CDH13: variants seen among roughly 807,000 people sequenced by gnomAD.
CDH13 encodes the protein cadherin 13.
Under a neutral mutation model 63.8 loss-of-function variants are expected in CDH13, and 24 were observed. The ratio of observed to expected loss-of-function variants is 0.38; its 90% CI spans 0.27 to 0.53. The LOEUF (loss-of-function observed/expected upper bound fraction) is 0.53, where lower values mean the gene tolerates loss of function less well. Ranked by LOEUF, CDH13 falls within the 20% of genes least tolerant of loss-of-function variation. CDH13 has a pLI of 0.85. For missense variants in CDH13, 1,049 were observed against 903.1 expected (o/e 1.16, Z -2.07); for synonymous variants, 503 against 355.3 (o/e 1.42, Z -4.67).
At chr16:83,261,850 G>A (rs1020751025) in intron 5 of CDH13, among the ~76,000 whole-genome samples, 3 of 152,062 alleles carry the variant, frequency 2.0e-5, no homozygotes, top group Non-Finnish European at 4.4e-5. Flanking sequence ...TCTTGTGCCT[G>A]CCTGCCAAGG....
intron 5 of CDH13, among the ~76,000 whole-genome samples, chr16:83,323,811 T>C (rs1348953802): frequency 6.6e-6 from 1 of 152,176 alleles, no homozygotes; most frequent in East Asian, 1.9e-4. Context: ...CTTGTTCCTC[T>C]TTAGTACATT....
At chr16:82,791,201 C>T (rs1041919881) in intron 1 of CDH13, among the ~76,000 whole-genome samples, 1 of 145,960 alleles carries the variant, frequency 6.9e-6, no homozygotes, top group African/African-American at 2.6e-5. Context: ...CACGCCACTG[C>T]ACTCCAGCCT....
chr16:82,951,357 A>G (rs1176494397), intron 2 of CDH13, among the ~76,000 whole-genome samples: 2 of 152,136 alleles, frequency 1.3e-5, no homozygotes, highest in Non-Finnish European at 2.9e-5. Flanking sequence ...TGCTTCCTAT[A>G]AGGTGTTCTG....
At chr16:83,257,286 G>A (rs947284812) in intron 5 of CDH13, among the ~76,000 whole-genome samples, 5 of 152,110 alleles carry the variant, frequency 3.3e-5, no homozygotes, top group Non-Finnish European at 4.4e-5. Context: ...CAAAGAAGCC[G>A]AGACAGCTGC....
At chr16:83,588,202 T>C (rs1166916852) in intron 7 of CDH13, among the ~76,000 whole-genome samples, 5 of 152,114 alleles carry the variant, frequency 3.3e-5, no homozygotes, top group Admixed American at 1.3e-4. Flanking sequence ...CCCTGCACAC[T>C]CTTGGACAGC....
intron 6 of CDH13, among the ~76,000 whole-genome samples, chr16:83,450,542 C>T (rs983934217): frequency 3.3e-5 from 5 of 151,868 alleles, no homozygotes; most frequent in Non-Finnish European, 5.9e-5. Context: ...TTAAATCGAA[C>T]GGAAAAAAAT....
chr16:83,623,414 T>C (rs1909993465), intron 8 of CDH13, among the ~76,000 whole-genome samples: 1 of 152,220 alleles, frequency 6.6e-6, no homozygotes, highest in African/African-American at 2.4e-5. Context: ...GCAATCGGTT[T>C]CTGCGTCTTC....
intron 1 of CDH13, among the ~76,000 whole-genome samples, chr16:82,796,256 C>T (rs1246770886): frequency 6.6e-6 from 1 of 152,104 alleles, no homozygotes; most frequent in Admixed American, 6.5e-5. Flanking sequence ...CTCTACTGAC[C>T]CCTATGGATG....
intron 6 of CDH13, among the ~76,000 whole-genome samples, chr16:83,446,116 A>C (rs891642358): frequency 6.6e-5 from 10 of 152,074 alleles, no homozygotes; most frequent in African/African-American, 2.4e-4. Flanking sequence ...CAGCATGGCC[A>C]ACGTGGTGAA....
chr16:82,677,157 T>C (rs1726839083), intron 1 of CDH13, among the ~76,000 whole-genome samples: 1 of 152,218 alleles, frequency 6.6e-6, no homozygotes, highest in Non-Finnish European at 1.5e-5. Context: ...GGTGGAATTA[T>C]AGGAGTGAGC....
intron 7 of CDH13, among the ~76,000 whole-genome samples, chr16:83,503,406 A>G (rs2074328460): frequency 6.6e-6 from 1 of 152,190 alleles, no homozygotes; most frequent in African/African-American, 2.4e-5. Context: ...CGCCACATCT[A>G]CCTGGGTGGA....
chr16:82,947,855 A>G (rs184546603), intron 2 of CDH13, among the ~76,000 whole-genome samples: 10 of 152,298 alleles, frequency 6.6e-5, no homozygotes, highest in African/African-American at 2.4e-4. Context: ...GGAAACCCTG[A>G]CAAGAATGAG....
At chr16:83,172,990 C>T (rs960719200) in intron 4 of CDH13, among the ~76,000 whole-genome samples, 1 of 152,028 alleles carries the variant, frequency 6.6e-6, no homozygotes, top group Non-Finnish European at 1.5e-5. Context: ...TTAACGTGTC[C>T]GAAATTGCAT....
chr16:83,579,909 A>G (rs1407044429), intron 7 of CDH13, among the ~76,000 whole-genome samples: 1 of 152,160 alleles, frequency 6.6e-6, no homozygotes, highest in African/African-American at 2.4e-5. Context: ...TTGAGCTGAC[A>G]CTTAAACTAT....
intron 1 of CDH13, among the ~76,000 whole-genome samples, chr16:82,680,879 G>A (rs1159271424): frequency 6.6e-6 from 1 of 152,168 alleles, no homozygotes; most frequent in East Asian, 1.9e-4. Flanking sequence ...TAAAGCGAGG[G>A]AGCTGGAGAG....
chr16:83,005,230 T>G (rs1913363179), intron 2 of CDH13, among the ~76,000 whole-genome samples: 1 of 152,206 alleles, frequency 6.6e-6, no homozygotes, highest in Non-Finnish European at 1.5e-5. Flanking sequence ...AGCTGGACAT[T>G]GCTGGATTTT....
At chr16:82,925,022 G>A (rs2042261752) in intron 2 of CDH13, among the ~76,000 whole-genome samples, 1 of 152,134 alleles carries the variant, frequency 6.6e-6, no homozygotes, top group South Asian at 2.1e-4. Flanking sequence ...TGAAGTGGGT[G>A]GATTTTCCAG....
rs574690383 is a variant in CDH13, at chr16:83,183,679, A to T, written c.484-33666A>T. Among the ~76,000 whole-genome samples, 5 of 152,258 alleles carry T rather than the reference A, an allele frequency of 3.3e-5. No individual in the cohort carries two copies. The East Asian group carries it at 7.7e-4, about 24-fold the overall frequency. On this transcript the variant is annotated intron_variant, in intron 4 of 13. Coordinates refer to ENST00000567109, the MANE Select transcript of CDH13 (RefSeq NM_001257.5). ...GCTCTGGATCCAGTGTCCCTCCCTG[A>T]TGGGACGGCACCTGCCATTGCTACT...
rs11349889 is a variant in CDH13 at position 83,799,299 on chromosome 16, CAAAAAAAA to C, written c.*4283_*4290del. 0.26 allele frequency: 29,247 copies of C among 110,392 alleles called. 3,237 individuals carry two copies. Among genetic ancestry groups the C allele is most frequent in the African/African-American group, 0.31 (9,666 of 30,834 alleles). 6.8% of individuals were successfully genotyped at this position (110,392 alleles called of 1,614,324 possible). On this transcript the variant is annotated 3_prime_UTR_variant, in exon 14 of 14. Transcript: ENST00000567109. Reference sequence around the variant, plus strand: ...CCTGGGCAACAGAGCAAGACTCCGTCAAAAAAAAAAAAAAAAAAAAAGAAAGAAAAGGA... The same window carrying C: ...CCTGGGCAACAGAGCAAGACTCCGTCAAAAAAAAAAAAAGAAAGAAAAGGA...
Sources: gnomAD v4.1 joint callset for allele counts (sites outside exome capture counted in the v4.1 genomes callset) on GRCh38, gnomAD v4.1.1 for gene constraint, MANE v1.5 for transcripts, NCBI Gene and HGNC (gene_info 2026-07-23, HGNC 2026-07-21) for gene names.